Variants in AMER2 observed in about 807,000 individuals in gnomAD.
AMER2 encodes APC membrane recruitment protein 2, also known as family with sequence similarity 123A.
A neutral mutation model predicts 4.7 loss-of-function variants in AMER2; 1 was observed. The observed-to-expected ratio is 0.21, with a 90% confidence interval of 0.07 to 1.00. The LOEUF (loss-of-function observed/expected upper bound fraction) is 1.00. Ranked by LOEUF, AMER2 falls within the 50% of genes least tolerant of loss-of-function variation. The pLI is 0.60. For missense variants in AMER2, 988 were observed against 966.9 expected (o/e 1.02, Z -0.29); for synonymous variants, 485 against 433.3 (o/e 1.12, Z -1.48).
Position 25,164,759 on chromosome 13 carries a change from A to C in AMER2, c.*4845T>G, listed in dbSNP as rs1489994486. On this transcript the variant is annotated 3_prime_UTR_variant, in exon 1 of 1. Transcript: ENST00000515384. ...AGTAAGTATTCAATGAATGTTAACC[A>C]TTGTTACATTTACTATTTTTTAGAG... The C allele has an allele frequency of 6.6e-6, 1 of 152,002 alleles. No individual in the cohort carries two copies. Among genetic ancestry groups the C allele is most frequent in the Non-Finnish European group, 1.5e-5 (1 of 68,004 alleles). 9.4% of individuals were successfully genotyped at this position (152,002 alleles called of 1,614,324 possible).
In AMER2 at chr13:25,162,446, C is replaced by CT. The variant is rs1471413123; in HGVS notation, c.*7157dup. On this transcript the variant is annotated 3_prime_UTR_variant, in exon 1 of 1. Coordinates refer to ENST00000515384, the MANE Select transcript of AMER2 (RefSeq NM_152704.4). ...TCCTCCATATTCAATAAGATTTATC[C>CT]TGGAAGCAATGAAAATGTTAAATAT... 2 of 152,186 alleles carry CT rather than the reference C, an allele frequency of 1.3e-5. No individual in the cohort carries two copies. Among genetic ancestry groups the CT allele is most frequent in the African/African-American group, 2.4e-5 (1 of 41,438 alleles). The allele number at this position is 152,186 out of a possible 1,614,324, so 9.4% of individuals were successfully genotyped here. A position where few individuals can be genotyped will look rare whatever the true frequency, so the allele number is the denominator to read the frequency against.
At position 25,163,162 on chromosome 13, in the gene AMER2, G is replaced by C. The variant is rs1956429671; in HGVS notation, c.*6442C>G. ...TACAGCTGTCATTTAAACAAACACAGATAACAAGTTGGCAAAGATGTGGAG... is the reference window on the plus strand; with the variant it reads ...TACAGCTGTCATTTAAACAAACACACATAACAAGTTGGCAAAGATGTGGAG... On this transcript the variant is annotated 3_prime_UTR_variant, in exon 1 of 1. Transcript: ENST00000515384. 6.6e-6 allele frequency: 1 copy of C among 152,210 alleles called. No homozygotes were observed. Among genetic ancestry groups the C allele is most frequent in the South Asian group, 2.1e-4 (1 of 4,834 alleles). The allele number at this position is 152,210 out of a possible 1,614,324, so 9.4% of individuals were successfully genotyped here. A position where few individuals can be genotyped will look rare whatever the true frequency, so the allele number is the denominator to read the frequency against.
Position 25,163,000 on chromosome 13 carries a change from A to G in AMER2, c.*6604T>C, listed in dbSNP as rs577461111. On this transcript the variant is annotated 3_prime_UTR_variant, in exon 1 of 1. Transcript: ENST00000515384. ...TTATTGATGGTGTTCAATAGCTATT[A>G]GTTGAATGAGTTAATGAATCAGAAA... is the stretch of plus-strand genomic sequence containing the variant. 1.3e-4 allele frequency: 20 copies of G among 152,348 alleles called. No individual in the cohort carries two copies. Among genetic ancestry groups the G allele is most frequent in the Admixed American group, 2.6e-4 (4 of 15,302 alleles). 9.4% of individuals were successfully genotyped at this position (152,348 alleles called of 1,614,324 possible).
Position 25,171,811 on chromosome 13 carries a change from T to C in AMER2, c.-192A>G, listed in dbSNP as rs1956588599. 1.7e-6 allele frequency: 2 copies of C among 1,201,210 alleles called. No homozygotes were observed. Among genetic ancestry groups the C allele is most frequent in the Non-Finnish European group, 1.1e-6 (1 of 942,058 alleles). 74.4% of individuals were successfully genotyped at this position (1,201,210 alleles called of 1,614,324 possible). ...ACTTCCATCCGACTTGGCTCGGCGC[T>C]GCATGGCGTTTTTGTGGCAGGAGCA... On this transcript the variant is annotated 5_prime_UTR_variant, in exon 1 of 1. Transcript: ENST00000515384. The surrounding 1 kb of genome is among the most constrained non-coding windows in gnomAD (Gnocchi z 5.9).
At position 25,162,427 on chromosome 13, in the gene AMER2, A is replaced by G. The variant is rs758151051; in HGVS notation, c.*7177T>C. On this transcript the variant is annotated 3_prime_UTR_variant, in exon 1 of 1. Transcript: ENST00000515384. ...TAGACCTACCACTATCAGATCCTCCATATTCAATAAGATTTATCCTGGAAG... is the reference window on the plus strand; with the variant it reads ...TAGACCTACCACTATCAGATCCTCCGTATTCAATAAGATTTATCCTGGAAG... The G allele has an allele frequency of 5.9e-5, 9 of 152,218 alleles. No homozygotes were observed. Among genetic ancestry groups the G allele is most frequent in the Non-Finnish European group, 1.3e-4 (9 of 68,036 alleles). 9.4% of individuals were successfully genotyped at this position (152,218 alleles called of 1,614,324 possible). A position where few individuals can be genotyped will look rare whatever the true frequency, so the allele number is the denominator to read the frequency against.
In AMER2 at chr13:25,169,472, C is replaced by T. The variant is rs1956521321; in HGVS notation, c.*132G>A. ...GGCACAAAGACCTCCTCGGTCCACG[C>T]TCTGGAGCAGGGCGGGGGACGGGTG... On this transcript the variant is annotated 3_prime_UTR_variant, in exon 1 of 1. Transcript: ENST00000515384. This position sits in a 1 kb window ranked among gnomAD's most constrained non-coding sequence, Gnocchi z 4.2. The T allele has an allele frequency of 7.8e-7, 1 of 1,276,514 alleles. No homozygotes were observed. The highest frequency in any genetic ancestry group is 2.9e-5 in the Admixed American group (1 of 34,730). The allele number at this position is 1,276,514 out of a possible 1,614,324, so 79.1% of individuals were successfully genotyped here. A position where few individuals can be genotyped will look rare whatever the true frequency, so the allele number is the denominator to read the frequency against.
chr13:25,170,550 G>C lies in AMER2; in HGVS notation c.1070C>G (p.Pro357Arg), dbSNP rs946379280. 6.2e-7 allele frequency: 1 copy of C among 1,613,402 alleles called. No individual in the cohort carries two copies. Among genetic ancestry groups the C allele is most frequent in the Non-Finnish European group, 8.5e-7 (1 of 1,179,686 alleles). ...DPASVDPPSD[P>R]SADRICLMFS... ...CATCAAACAAATACGATCTGCCGAC[G>C]GGTCTGAGGGTGGATCGACAGAGGC... Residue 357 changes from proline (P) to arginine (R), a missense_variant, in exon 1 of 1, where the codon CCG (proline) becomes CGG (arginine). Physicochemically the swap from Pro to Arg is moderately radical, Grantham distance 103. Transcript: ENST00000515384. This position sits in a 1 kb window ranked among gnomAD's most constrained non-coding sequence, Gnocchi z 7.3.
rs1459250618 is a variant in AMER2, at chr13:25,170,734, G to A, written c.886C>T (p.Arg296Trp). 3 of 1,422,706 alleles carry A rather than the reference G, an allele frequency of 2.1e-6. No individual in the cohort carries two copies. The highest frequency in any genetic ancestry group is 1.8e-6 in the Non-Finnish European group (2 of 1,097,284). 88.1% of individuals were successfully genotyped at this position (1,422,706 alleles called of 1,614,324 possible). Residue 296 changes from arginine to tryptophan, a missense_variant, in exon 1 of 1, where the codon CGG becomes TGG. Physicochemically the swap from Arg to Trp is moderately radical, Grantham distance 101 (BLOSUM62 -3). Transcript: ENST00000515384. This position sits in a 1 kb window ranked among gnomAD's most constrained non-coding sequence, Gnocchi z 7.3. ...CGATGCCCCGCGGCGTCCTCTCCCC[G>A]GGCGCCGGTGTCGCCGGGGTGCGCG... ...GLAHPGDTGA[R>W]GEDAAGHRRA...
At position 25,164,126 on chromosome 13, in the gene AMER2, T is replaced by C. The variant is rs373107294; in HGVS notation, c.*5478A>G. 1 of 141,082 alleles carries C rather than the reference T, an allele frequency of 7.1e-6. No individual in the cohort carries two copies. The highest frequency in any genetic ancestry group is 2.7e-5 in the African/African-American group (1 of 37,376). 8.7% of individuals were successfully genotyped at this position (141,082 alleles called of 1,614,324 possible). A position where few individuals can be genotyped will look rare whatever the true frequency, so the allele number is the denominator to read the frequency against. Reference sequence around the variant, plus strand: ...TCTCAAAAAAAAAAAAAAAAAAAATTAAAGAGGGTAGATCTCATATTCAAT... The same window carrying C: ...TCTCAAAAAAAAAAAAAAAAAAAATCAAAGAGGGTAGATCTCATATTCAAT... On this transcript the variant is annotated 3_prime_UTR_variant, in exon 1 of 1. Transcript: ENST00000515384.
At position 25,161,718 on chromosome 13, in the gene AMER2, GAATTA is replaced by G. The variant is rs1422012563; in HGVS notation, c.*7881_*7885del. 6.6e-6 allele frequency: 1 copy of G among 152,206 alleles called. No homozygotes were observed. The highest frequency in any genetic ancestry group is 2.4e-5 in the African/African-American group (1 of 41,446). 9.4% of individuals were successfully genotyped at this position (152,206 alleles called of 1,614,324 possible). Reference sequence around the variant, plus strand: ...AAAGGAGCAACAAAATTTATTGACTGAATTAAACACAACAGTAAAATGGCAGTGTT... The same window carrying G: ...AAAGGAGCAACAAAATTTATTGACTGAACACAACAGTAAAATGGCAGTGTT... On this transcript the variant is annotated 3_prime_UTR_variant, in exon 1 of 1. Coordinates refer to ENST00000515384, the MANE Select transcript of AMER2 (RefSeq NM_152704.4).
Position 25,170,222 on chromosome 13 carries a change from G to A in AMER2, c.1398C>T (p.Thr466=). Reference sequence around the variant, plus strand: ...CTTTGGGGGTCTCGGGCACCACCTTGGTTTCCAGCGCAGCTGCCACCTTAG... The same window carrying A: ...CTTTGGGGGTCTCGGGCACCACCTTAGTTTCCAGCGCAGCTGCCACCTTAG... ...GAAKVAAALE[T]KVVPETPKDT... Residue 466 remains threonine (T), a synonymous_variant, in exon 1 of 1, where the codon ACC becomes ACT. Transcript: ENST00000515384. The surrounding 1 kb of genome is among the most constrained non-coding windows in gnomAD (Gnocchi z 7.3). The A allele has an allele frequency of 6.2e-7, 1 of 1,612,424 alleles. No individual in the cohort carries two copies. Among genetic ancestry groups the A allele is most frequent in the Non-Finnish European group, 8.5e-7 (1 of 1,179,186 alleles).
rs752386259 is a variant in AMER2, at chr13:25,171,566, T to C, written c.54A>G (p.Gly18=). 23 of 1,544,050 alleles carry C rather than the reference T, an allele frequency of 1.5e-5. No homozygotes were observed. Among genetic ancestry groups the C allele is most frequent in the East Asian group, 1.5e-4 (6 of 41,002 alleles). Residue 18 remains glycine, a synonymous_variant, in exon 1 of 1, where the codon GGA becomes GGG. Coordinates refer to ENST00000515384, the MANE Select transcript of AMER2 (RefSeq NM_152704.4). The surrounding 1 kb of genome is among the most constrained non-coding windows in gnomAD (Gnocchi z 5.9). The part of the protein sequence containing the change: ...GGGGAVSERG[G]AGASVGVCRR... ...TGCAGACCCCCACGGACGCGCCAGC[T>C]CCGCCGCGCTCGCTGACAGCCCCGC...
chr13:25,170,615 G>A lies in AMER2; in HGVS notation c.1005C>T (p.Ser335=), dbSNP rs1268988362. 6.4e-7 allele frequency: 1 copy of A among 1,572,654 alleles called. No individual in the cohort carries two copies. Among genetic ancestry groups the A allele is most frequent in the Non-Finnish European group, 8.6e-7 (1 of 1,158,364 alleles). ...CGGGCGCCCGGCCGCTGCCGCCTTC[G>A]GAGTCGACAAGGGGGACCGTCTTTA... ...VPVKTVPLVD[S]EGGSGRAPAA... Residue 335 remains serine (S), a synonymous_variant, in exon 1 of 1, where the codon TCC becomes TCT. Transcript: ENST00000515384. The surrounding 1 kb of genome is among the most constrained non-coding windows in gnomAD (Gnocchi z 7.3).
At position 25,169,552 on chromosome 13, in the gene AMER2, G is replaced by A. The variant is rs185202093; in HGVS notation, c.*52C>T. 260 of 1,516,112 alleles carry A rather than the reference G, an allele frequency of 1.7e-4. 1 individual carries two copies. In the African/African-American group the frequency reaches 3.1e-3, roughly 18 times the overall value. The allele number at this position is 1,516,112 out of a possible 1,614,324, so 93.9% of individuals were successfully genotyped here. On this transcript the variant is annotated 3_prime_UTR_variant, in exon 1 of 1. Coordinates refer to ENST00000515384, the MANE Select transcript of AMER2 (RefSeq NM_152704.4). This position sits in a 1 kb window ranked among gnomAD's most constrained non-coding sequence, Gnocchi z 4.2. ...CAAAACTTACTTTAGTGGTTTCCAG[G>A]GAAAAGTTGTATTCCTTGGCATGGG...
Position 25,165,611 on chromosome 13 carries a change from C to G in AMER2, c.*3993G>C, listed in dbSNP as rs1956469249. On this transcript the variant is annotated 3_prime_UTR_variant, in exon 1 of 1. Coordinates refer to ENST00000515384, the MANE Select transcript of AMER2 (RefSeq NM_152704.4). ...TTTGGGGTTTTCCTCTTATTTCACT[C>G]AGATACTTTAAACCAGCTTTCCTCA... 1 of 152,192 alleles carries G rather than the reference C, an allele frequency of 6.6e-6. No homozygotes were observed. The highest frequency in any genetic ancestry group is 2.4e-5 in the African/African-American group (1 of 41,442). 9.4% of individuals were successfully genotyped at this position (152,192 alleles called of 1,614,324 possible).
Position 25,169,855 on chromosome 13 carries a change from G to A in AMER2, c.1765C>T (p.Pro589Ser), listed in dbSNP as rs566168992. Residue 589 changes from proline (P) to serine (S), a missense_variant, in exon 1 of 1, where the codon CCA becomes TCA. Transcript: ENST00000515384. This position sits in a 1 kb window ranked among gnomAD's most constrained non-coding sequence, Gnocchi z 4.2. ...CGCAGTGGACAGGTGATGGTGCCTG[G>A]AGATACGGGCTTTAACCGGGACAGG... ...SSLSRLKPVS[P>S]GTITCPLRTP... 11 of 1,614,162 alleles carry A rather than the reference G, an allele frequency of 6.8e-6. No individual in the cohort carries two copies. In the East Asian group the frequency reaches 1.8e-4, roughly 26 times the overall value.
rs958944421 is a variant in AMER2, at chr13:25,162,761, C to A, written c.*6843G>T. The stretch of plus-strand genomic sequence containing the variant: ...AACCTAAGCCATATCTTATTTAAAA[C>A]GTATCTTCTCACATAGAGCAAAAGT... On this transcript the variant is annotated 3_prime_UTR_variant, in exon 1 of 1. Coordinates refer to ENST00000515384, the MANE Select transcript of AMER2 (RefSeq NM_152704.4). The A allele has an allele frequency of 6.6e-6, 1 of 152,132 alleles. No homozygotes were observed. Among genetic ancestry groups the A allele is most frequent in the Non-Finnish European group, 1.5e-5 (1 of 68,026 alleles). The allele number at this position is 152,132 out of a possible 1,614,324, so 9.4% of individuals were successfully genotyped here.
Position 25,170,777 on chromosome 13 carries a change from G to A in AMER2, c.843C>T (p.Cys281=). 1 of 1,364,612 alleles carries A rather than the reference G, an allele frequency of 7.3e-7. No individual in the cohort carries two copies. The highest frequency in any genetic ancestry group is 2.6e-4 in the Middle Eastern group (1 of 3,814). 84.5% of individuals were successfully genotyped at this position (1,364,612 alleles called of 1,614,324 possible). A position where few individuals can be genotyped will look rare whatever the true frequency, so the allele number is the denominator to read the frequency against. Residue 281 remains cysteine (C), a synonymous_variant, in exon 1 of 1, where the codon TGC becomes TGT. Transcript: ENST00000515384. This position sits in a 1 kb window ranked among gnomAD's most constrained non-coding sequence, Gnocchi z 7.3. ...APADRAPARS[C]REAEGLAHPG... ...GGTGCGCGAGGCCCTCTGCCTCTCG[G>A]CAGCTCCGCGCTGGGGCGCGGTCGG...
rs1956456864 is a variant in AMER2, at chr13:25,164,710, A to G, written c.*4894T>C. 1 of 148,316 alleles carries G rather than the reference A, an allele frequency of 6.7e-6. No individual in the cohort carries two copies. The highest frequency in any genetic ancestry group is 6.8e-5 in the Admixed American group (1 of 14,728). 9.2% of individuals were successfully genotyped at this position (148,316 alleles called of 1,614,324 possible). A position where few individuals can be genotyped will look rare whatever the true frequency, so the allele number is the denominator to read the frequency against. ...AAGAGGACTAAGTAATTATTTCTAA[A>G]TCTCCTAGCAGTGCCTGACACATAG... is the stretch of plus-strand genomic sequence containing the variant. On this transcript the variant is annotated 3_prime_UTR_variant, in exon 1 of 1. Coordinates refer to ENST00000515384, the MANE Select transcript of AMER2 (RefSeq NM_152704.4).
Sources: allele counts gnomAD v4.1 joint callset, GRCh38; gene constraint gnomAD v4.1.1; non-coding constraint Gnocchi (gnomAD v3.1); transcripts MANE v1.5; gene names NCBI Gene and HGNC (gene_info 2026-07-23, HGNC 2026-07-21).